The following NRG1 variants were observed in gnomAD, a reference collection of about 807,000 sequenced individuals.
NRG1 encodes the protein pro-neuregulin-1, membrane-bound isoform.
In NRG1, 18 loss-of-function variants were observed where a neutral mutation model predicts 63.8. The ratio of observed to expected loss-of-function variants is 0.28; its 90% CI spans 0.19 to 0.42. The LOEUF is 0.42. NRG1 is among the 10% of genes least tolerant of loss of function. NRG1 has a pLI of 1.00. For missense variants in NRG1, 762 were observed against 814.7 expected, an observed-to-expected ratio of 0.94 and a Z score of 0.79; for synonymous variants, 302 against 301.3, an observed-to-expected ratio of 1.00 and a Z score of -0.02.
intron 1 of NRG1, among the ~76,000 whole-genome samples, chr8:32,241,567 T>G (rs947268165): frequency 6.6e-6 from 1 of 152,126 alleles, no homozygotes; most frequent in African/African-American, 2.4e-5. Context: ...AATAGAGTAG[T>G]CAAAGAACCA....
chr8:32,181,887 C>A (rs1841465952), intron 1 of NRG1, among the ~76,000 whole-genome samples: 1 of 151,974 alleles, frequency 6.6e-6, no homozygotes, highest in Non-Finnish European at 1.5e-5. Flanking sequence ...GGCAAGTATT[C>A]TGAATAATGT....
At chr8:32,533,092 A>T (rs1588144226) in intron 1 of NRG1, among the ~76,000 whole-genome samples, 1 of 151,840 alleles carries the variant, frequency 6.6e-6, no homozygotes, top group Admixed American at 6.6e-5. Flanking sequence ...TTTATCTTTC[A>T]TAATTACGGT....
At chr8:32,063,014 T>TA (rs1824145429) in intron 1 of NRG1, 1 of 152,132 alleles carries the variant, frequency 6.6e-6, no homozygotes, top group Non-Finnish European at 1.5e-5. Context: ...CTGTATGTAA[T>TA]AAAAGCTATG....
chr8:32,482,569 C>T (rs1825436193), intron 1 of NRG1, among the ~76,000 whole-genome samples: 1 of 152,134 alleles, frequency 6.6e-6, no homozygotes, highest in Admixed American at 6.6e-5. Flanking sequence ...CTGAAGCTGT[C>T]CAACCTCACT....
chr8:32,141,521 AGTGTGT>A (rs10555336), intron 1 of NRG1, among the ~76,000 whole-genome samples: 13 of 129,960 alleles, frequency 1.0e-4, no homozygotes, highest in Admixed American at 3.2e-4. Context: ...GAGATAGTTA[AGTGTGT>A]GTGTGTGTGT....
intron 1 of NRG1, among the ~76,000 whole-genome samples, chr8:31,862,503 C>G (rs1272576114): frequency 6.6e-6 from 1 of 152,084 alleles, no homozygotes; most frequent in Non-Finnish European, 1.5e-5. Flanking sequence ...AAACTATTTG[C>G]TCTGGGACAA....
At chr8:32,233,557 ATATATAT>A (rs1487356589) in intron 1 of NRG1, among the ~76,000 whole-genome samples, 3 of 73,738 alleles carry the variant, frequency 4.1e-5, no homozygotes, top group East Asian at 5.6e-4. Flanking sequence ...ATATATATAT[ATATATAT>A]TTTTTTTTTT....
chr8:32,674,512 T>G (rs905525383), intron 5 of NRG1, among the ~76,000 whole-genome samples: 1 of 152,118 alleles, frequency 6.6e-6, no homozygotes, highest in Non-Finnish European at 1.5e-5. Context: ...ATATGACAAC[T>G]GAAAAAAACC....
At chr8:32,298,235 A>C (rs1563285272) in intron 1 of NRG1, among the ~76,000 whole-genome samples, 1 of 152,256 alleles carries the variant, frequency 6.6e-6, no homozygotes, top group Non-Finnish European at 1.5e-5. Context: ...TGAAGTTAGA[A>C]GACATCTCCA....
At chr8:31,742,922 G>A (rs1220438315) in intron 1 of NRG1, among the ~76,000 whole-genome samples, 1 of 151,966 alleles carries the variant, frequency 6.6e-6, no homozygotes, top group African/African-American at 2.4e-5. Context: ...GAGCTGGCAA[G>A]TGTTGCCTAG....
At chr8:32,362,457 A>G (rs999044879) in intron 1 of NRG1, among the ~76,000 whole-genome samples, 1 of 152,206 alleles carries the variant, frequency 6.6e-6, no homozygotes, top group African/African-American at 2.4e-5. Context: ...TTATTTTTCT[A>G]AGGCTTTGGG....
At chr8:32,327,564 A>G (rs1162546681) in intron 1 of NRG1, among the ~76,000 whole-genome samples, 1 of 152,236 alleles carries the variant, frequency 6.6e-6, no homozygotes, top group South Asian at 2.1e-4. Context: ...AGATTGTCCC[A>G]TATAAGTTAT....
chr8:32,302,720 G>A (rs1055661205), intron 1 of NRG1, among the ~76,000 whole-genome samples: 1 of 143,598 alleles, frequency 7.0e-6, no homozygotes. Context: ...TTGCCACAGT[G>A]GTTTTATTTT....
At chr8:32,372,302 A>AT (rs964052285) in intron 1 of NRG1, among the ~76,000 whole-genome samples, 30 of 147,586 alleles carry the variant, frequency 2.0e-4, no homozygotes, top group African/African-American at 3.2e-4. Flanking sequence ...GTTTACTGAA[A>AT]TTTTTTTTTT....
intron 1 of NRG1, among the ~76,000 whole-genome samples, chr8:32,373,486 A>G (rs914186659): frequency 5.3e-5 from 8 of 150,724 alleles, no homozygotes; most frequent in African/African-American, 1.7e-4. Flanking sequence ...CTCTACAACG[A>G]GAAAAATGAA....
intron 1 of NRG1, among the ~76,000 whole-genome samples, chr8:32,460,860 C>T (rs1822224436): frequency 6.6e-6 from 1 of 152,054 alleles, no homozygotes; most frequent in African/African-American, 2.4e-5. Context: ...GAAAAGCCAA[C>T]CACTCGTTCT....
intron 1 of NRG1, among the ~76,000 whole-genome samples, chr8:31,708,983 A>G (rs373652657): frequency 9.9e-5 from 15 of 152,202 alleles, no homozygotes; most frequent in Non-Finnish European, 1.8e-4. Context: ...ATCAACACAC[A>G]TATTTCATGT....
intron 1 of NRG1, among the ~76,000 whole-genome samples, chr8:32,077,282 G>A (rs879479268): frequency 2.8e-4 from 43 of 152,210 alleles, no homozygotes; most frequent in Admixed American, 2.2e-3. Flanking sequence ...CAGGAGAATC[G>A]CTGGAACCCG....
At position 32,106,069 on chromosome 8, in the gene NRG1, T is replaced by G. The variant is rs534737950; in HGVS notation, c.37+466638T>G. 9.5e-4 allele frequency among the ~76,000 whole-genome samples: 144 copies of G among 152,260 alleles called. 1 individual carries two copies. The highest frequency in any genetic ancestry group is 3.2e-3 in the African/African-American group (132 of 41,552). ...AGAATTATATGAAGAAAAATAGAGTTGAGAAGGAAAAAGTACAAACGTTGT... is the reference window on the plus strand; with the variant it reads ...AGAATTATATGAAGAAAAATAGAGTGGAGAAGGAAAAAGTACAAACGTTGT... On this transcript the variant is annotated intron_variant, in intron 1 of 10. Transcript: ENST00000519301.
Sources: allele counts gnomAD v4.1 joint callset (sites outside exome capture counted in the v4.1 genomes callset), GRCh38; gene constraint gnomAD v4.1.1; transcripts MANE v1.5; gene names NCBI Gene and HGNC (gene_info 2026-07-23, HGNC 2026-07-21).